Variants in STPG2 observed in about 807,000 individuals in gnomAD.
STPG2 encodes the protein sperm-tail PG-rich repeat-containing protein 2.
STPG2 carries 56 observed loss-of-function variants against 54.2 expected under a neutral mutation model. That is an observed-to-expected ratio of 1.03 (90% CI 0.83 to 1.29). STPG2 has a LOEUF of 1.29. Ranked by LOEUF, STPG2 falls within the 50% of genes most tolerant of loss-of-function variation. The pLI, the probability that STPG2 is intolerant of heterozygous loss-of-function variation, is 0.00. For missense variants in STPG2, 596 were observed against 544.9 expected (o/e 1.09, Z -0.93); for synonymous variants, 200 against 181.8 (o/e 1.10, Z -0.81).
chr4:97,696,347 A>G lies in STPG2; in HGVS notation c.1320+16352T>C, dbSNP rs545663666. Among the ~76,000 whole-genome samples the G allele has an allele frequency of 1.4e-4, 21 of 152,358 alleles. No homozygotes were observed. The East Asian group carries it at 3.7e-3, about 27-fold the overall frequency. On this transcript the variant is annotated intron_variant, in intron 10 of 10. Coordinates refer to ENST00000295268, the MANE Select transcript of STPG2 (RefSeq NM_174952.3). ...ACACACAGAAGAAAACTGAATCTTC[A>G]TCTCTTACCTTATAGAAAAATAAAC...
At chr4:97,801,050 G>A (rs546993768) in intron 9 of STPG2, among the ~76,000 whole-genome samples, 30 of 152,312 alleles carry the variant, frequency 2.0e-4, no homozygotes, top group Non-Finnish European at 4.1e-4. Context: ...ATTAGGGTCG[G>A]ACTGACCCAA....
intron 10 of STPG2, among the ~76,000 whole-genome samples, chr4:97,635,542 T>C: frequency 6.6e-6 from 1 of 152,240 alleles, no homozygotes; most frequent in South Asian, 2.1e-4. Context: ...AGACACAGAC[T>C]GGCAAATTGG....
rs1734669841 is a variant in STPG2 at position 97,981,314 on chromosome 4, A to T, written c.617T>A (p.Phe206Tyr). The T allele has an allele frequency of 6.2e-7, 1 of 1,613,590 alleles. No individual in the cohort carries two copies. The highest frequency in any genetic ancestry group is 8.5e-7 in the Non-Finnish European group (1 of 1,179,880). Residue 206 changes from phenylalanine (F) to tyrosine (Y), a missense_variant, in exon 6 of 11, where the codon TTT becomes TAT. Coordinates refer to ENST00000295268, the MANE Select transcript of STPG2 (RefSeq NM_174952.3). ...IIVLQEKKKRFLPMKSITPAP... is the reference protein window; with the variant it reads ...IIVLQEKKKRYLPMKSITPAP... ...CGGGGTGATTGATTTCATAGGTAAA[A>T]ATCTCTAGTGAAGAACAGGAAAATA...
intron 9 of STPG2, among the ~76,000 whole-genome samples, chr4:97,743,436 C>A (rs1234264591): frequency 6.6e-6 from 1 of 151,672 alleles, no homozygotes; most frequent in African/African-American, 2.4e-5. Flanking sequence ...CCAAAGACAT[C>A]TGAATTTTAA....
intron 9 of STPG2, among the ~76,000 whole-genome samples, chr4:97,725,663 A>T (rs527309465): frequency 2.2e-4 from 34 of 151,362 alleles, no homozygotes; most frequent in South Asian, 1.5e-3. Context: ...AAAGATATTT[A>T]AAAAAAAATT....
chr4:97,937,925 G>A (rs1024850554), intron 8 of STPG2, among the ~76,000 whole-genome samples: 2 of 152,184 alleles, frequency 1.3e-5, no homozygotes, highest in African/African-American at 2.4e-5. Flanking sequence ...TTGAGGGGGT[G>A]TACTGCACTT....
chr4:97,648,435 C>A (rs981095037), intron 10 of STPG2, among the ~76,000 whole-genome samples: 1 of 152,138 alleles, frequency 6.6e-6, no homozygotes, highest in Non-Finnish European at 1.5e-5. Flanking sequence ...AGAAAGAAAT[C>A]TTTTCCTGTC....
intron 8 of STPG2, among the ~76,000 whole-genome samples, chr4:97,915,519 C>A (rs931316611): frequency 2.6e-4 from 40 of 152,012 alleles, no homozygotes; most frequent in Admixed American, 2.6e-3. Flanking sequence ...CAGAATGTGA[C>A]AAATCCTGGG....
At chr4:97,540,871 C>T (rs1426225341) in intron 4 of STPG2, among the ~76,000 whole-genome samples, 1 of 152,142 alleles carries the variant, frequency 6.6e-6, no homozygotes, top group African/African-American at 2.4e-5. Context: ...AGAAAAACCA[C>T]ATGATTATCT....
intron 9 of STPG2, among the ~76,000 whole-genome samples, chr4:97,783,617 C>A (rs1282539904): frequency 6.6e-6 from 1 of 152,188 alleles, no homozygotes; most frequent in Non-Finnish European, 1.5e-5. Flanking sequence ...TATCAAGGCA[C>A]ATTCACATAT....
intron 5 of STPG2, among the ~76,000 whole-genome samples, chr4:98,086,981 C>T (rs1045784921): frequency 4.6e-5 from 7 of 152,112 alleles, no homozygotes; most frequent in Non-Finnish European, 1.0e-4. Flanking sequence ...AGAATAGTAT[C>T]GTTGTCAACA....
At chr4:97,723,424 A>G (rs546739677) in intron 9 of STPG2, among the ~76,000 whole-genome samples, 7 of 152,216 alleles carry the variant, frequency 4.6e-5, no homozygotes, top group African/African-American at 1.7e-4. Flanking sequence ...CCCCACCATT[A>G]TGCAATATAT....
chr4:98,071,069 C>G (rs1737987416), intron 5 of STPG2, among the ~76,000 whole-genome samples: 1 of 143,882 alleles, frequency 7.0e-6, no homozygotes, highest in African/African-American at 2.6e-5. Context: ...GAAACTATTT[C>G]AAAATTCATA....
At chr4:98,073,197 G>C (rs1738061191) in intron 5 of STPG2, among the ~76,000 whole-genome samples, 1 of 151,888 alleles carries the variant, frequency 6.6e-6, no homozygotes, top group Non-Finnish European at 1.5e-5. Context: ...GTCCTGTCTT[G>C]TACATTAATA....
chr4:97,872,041 TATG>T (rs955555022), intron 8 of STPG2, among the ~76,000 whole-genome samples: 3 of 151,098 alleles, frequency 2.0e-5, no homozygotes, highest in African/African-American at 7.3e-5. Context: ...AGAACAGTCA[TATG>T]ATCATCTCAT....
chr4:97,943,197 T>C (rs1008397276), intron 8 of STPG2, among the ~76,000 whole-genome samples: 1 of 152,162 alleles, frequency 6.6e-6, no homozygotes, highest in African/African-American at 2.4e-5. Context: ...TCCACCCTCA[T>C]GACATAATCA....
chr4:97,678,629 TTTA>T (rs1249741397), intron 10 of STPG2, among the ~76,000 whole-genome samples: 2 of 151,964 alleles, frequency 1.3e-5, no homozygotes, highest in South Asian at 2.1e-4. Context: ...TTTATTTTAT[TTTA>T]TTATTATTAT....
chr4:97,941,655 T>C (rs1732989728), intron 8 of STPG2, among the ~76,000 whole-genome samples: 1 of 152,084 alleles, frequency 6.6e-6, no homozygotes, highest in Non-Finnish European at 1.5e-5. Flanking sequence ...CAAATCATCT[T>C]TTAAGACTGC....
intron 8 of STPG2, among the ~76,000 whole-genome samples, chr4:97,928,877 T>G (rs1162496894): frequency 1.3e-5 from 2 of 152,200 alleles, no homozygotes; most frequent in Admixed American, 1.3e-4. Flanking sequence ...TAAACCAATT[T>G]TATTTTTTTT....
Sources: allele counts gnomAD v4.1 joint callset (sites outside exome capture counted in the v4.1 genomes callset), GRCh38; gene constraint gnomAD v4.1.1; transcripts MANE v1.5; gene names NCBI Gene and HGNC (gene_info 2026-07-23, HGNC 2026-07-21).